The following GSS variants were observed in gnomAD, a reference collection of about 807,000 sequenced individuals.
GSS encodes glutathione synthetase, also known as GSH synthetase.
GSS carries 34 observed loss-of-function variants against 60.4 expected under a neutral mutation model. That is an observed-to-expected ratio of 0.56 (90% CI 0.43 to 0.75). GSS has a LOEUF of 0.75. Ranked by LOEUF, GSS falls within the 30% of genes least tolerant of loss-of-function variation. The pLI, the probability that GSS is intolerant of heterozygous loss-of-function variation, is 0.00. For synonymous variants in GSS, 224 were observed against 239.0 expected (o/e 0.94, Z 0.58); for missense variants, 499 against 595.1 (o/e 0.84, Z 1.68).
chr20:34,946,622 C>T (rs2081525317), intron 2 of GSS: 2 of 152,822 alleles, frequency 1.3e-5, no homozygotes, highest in South Asian at 4.1e-4. Flanking sequence ...CACACACATA[C>T]ATACATGGAA....
At position 34,937,027 on chromosome 20, in the gene GSS, G is replaced by C. The variant is rs1263234131; in HGVS notation, c.609-4C>G. On this transcript the variant is annotated splice_region_variant and splice_polypyrimidine_tract_variant and intron_variant, in intron 6 of 12. Coordinates refer to ENST00000651619, the MANE Select transcript of GSS (RefSeq NM_000178.4). ...AGCAATCAGTAGCACCAGAGCACTG[G>C]GGAAAGAGCACAGGTGGCCCGAGGC... 1.3e-5 allele frequency: 21 copies of C among 1,610,692 alleles called. No individual in the cohort carries two copies. The highest frequency in any genetic ancestry group is 1.8e-5 in the Non-Finnish European group (21 of 1,177,496).
At chr20:34,941,341 T>A (rs1600385392) in intron 6 of GSS, among the ~76,000 whole-genome samples, 1 of 139,938 alleles carries the variant, frequency 7.1e-6, no homozygotes, top group African/African-American at 2.7e-5. Context: ...GGTGAGAGAG[T>A]GAGACTCTGT....
In GSS at chr20:34,939,974, A is replaced by G. The variant is rs550573325; in HGVS notation, c.608+1739T>C. Among the ~76,000 whole-genome samples, 4 of 152,096 alleles carry G rather than the reference A, an allele frequency of 2.6e-5. No homozygotes were observed. The East Asian group carries it at 5.8e-4, about 22-fold the overall frequency. On this transcript the variant is annotated intron_variant, in intron 6 of 12. Coordinates refer to ENST00000651619, the MANE Select transcript of GSS (RefSeq NM_000178.4). ...TGTGAGCCACTGCACCCGGCCTATT[A>G]TTATTATTGAAAGTACCACATAATG...
In GSS at chr20:34,931,438, G is replaced by A. The variant is rs746880480; in HGVS notation, c.1030-21C>T. The A allele has an allele frequency of 4.4e-6, 7 of 1,602,352 alleles. No homozygotes were observed. The African/African-American group carries it at 9.4e-5, about 21-fold the overall frequency. On this transcript the variant is annotated intron_variant, in intron 10 of 12. Transcript: ENST00000651619. ...TCACCCTGGCAGGAGGCAGAAAGCA[G>A]TTATCAAAAGTTTAAAGGCTAAAGA...
chr20:34,954,496 G>A (rs2081600210), intron 1 of GSS: 1 of 153,142 alleles, frequency 6.5e-6, no homozygotes, highest in South Asian at 2.1e-4. Flanking sequence ...GGAGGTTGTA[G>A]TGAGCCGAGA....
At position 34,937,017 on chromosome 20, in the gene GSS, C is replaced by G. The variant is rs779352530; in HGVS notation, c.615G>C (p.Leu205=). Residue 205 remains leucine (L), a synonymous_variant, in exon 7 of 13, where the codon CTG becomes CTC. Coordinates refer to ENST00000651619, the MANE Select transcript of GSS (RefSeq NM_000178.4). ...CCTTCTCTTGAGCAATCAGTAGCAC[C>G]AGAGCACTGGGGAAAGAGCACAGGT... ...AWELYGSPNA[L]VLLIAQEKER... The G allele has an allele frequency of 1.9e-6, 3 of 1,612,934 alleles. No individual in the cohort carries two copies. The highest frequency in any genetic ancestry group is 2.5e-6 in the Non-Finnish European group (3 of 1,179,256).
In GSS at chr20:34,932,343, TC is replaced by T. The variant is rs34275953; in HGVS notation, c.835-211del. On this transcript the variant is annotated intron_variant, in intron 9 of 12. Transcript: ENST00000651619. ...CTGTGAGCCCCTGCAAAGGCAAGAA[TC>T]CCCCAATCTGTGGGAAACAATAGAA... 3.9e-3 allele frequency among the ~76,000 whole-genome samples: 598 copies of T among 152,194 alleles called. 2 individuals are homozygous for T. The highest frequency in any genetic ancestry group is 0.014 in the African/African-American group (567 of 41,526).
chr20:34,931,477 G>T, intron 10 of GSS, 60 bp from the exon 11 acceptor site: 2 of 1,324,868 alleles, frequency 1.5e-6, no homozygotes, highest in Non-Finnish European at 1.1e-6. Context: ...AAGAAGCTTA[G>T]GTCCAGCTGG....
chr20:34,932,121 G>C lies in GSS; in HGVS notation c.847C>G (p.Arg283Gly). 6.2e-7 allele frequency: 1 copy of C among 1,613,548 alleles called. No homozygotes were observed. The highest frequency in any genetic ancestry group is 8.5e-7 in the Non-Finnish European group (1 of 1,179,414). Residue 283 changes from arginine to glycine, a missense_variant, in exon 10 of 13, where the codon CGT becomes GGT. Physicochemically the swap from Arg to Gly is moderately radical, Grantham distance 125. Coordinates refer to ENST00000651619, the MANE Select transcript of GSS (RefSeq NM_000178.4). ...RQYSLQNWEA[R>G]LLLERSHAAK... ...GCATGTGACCTCTCCAGCAGTAGAC[G>C]TGCTTCCCAATTCTGCAGAGGGAAG...
intron 6 of GSS, among the ~76,000 whole-genome samples, chr20:34,939,207 T>C (rs1168585804): frequency 2.0e-5 from 3 of 152,084 alleles, no homozygotes; most frequent in Admixed American, 1.3e-4. Context: ...GCCATTGCAC[T>C]CCAGCCTGGG....
At position 34,928,864 on chromosome 20, in the gene GSS, C is replaced by T. The variant is rs765311167; in HGVS notation, c.1389G>A (p.Ala463=). The T allele has an allele frequency of 5.7e-5, 92 of 1,613,914 alleles. No individual in the cohort carries two copies. The highest frequency in any genetic ancestry group is 7.7e-5 in the South Asian group (7 of 91,076). Residue 463 remains alanine (A), a synonymous_variant, in exon 13 of 13, where the codon GCG becomes GCA. Transcript: ENST00000651619. ...ATGGGTTGTCCAGGACTGCCACTCCCGCTGCCACACCACCATCTGCATGCT... is the reference window on the plus strand; with the variant it reads ...ATGGGTTGTCCAGGACTGCCACTCCTGCTGCCACACCACCATCTGCATGCT... ...AIEHADGGVA[A]GVAVLDNPYP...
chr20:34,952,921 G>C (rs950853578), intron 1 of GSS: 1 of 152,180 alleles, frequency 6.6e-6, no homozygotes, highest in African/African-American at 2.4e-5. Flanking sequence ...AAACCAGAAG[G>C]AATCTTAGTA....
intron 9 of GSS, among the ~76,000 whole-genome samples, chr20:34,932,933 C>T (rs1481321430): frequency 6.6e-6 from 1 of 152,052 alleles, no homozygotes; most frequent in Non-Finnish European, 1.5e-5. Flanking sequence ...GCAACTTCTA[C>T]CTCCTGGGCT....
intron 1 of GSS, chr20:34,952,847 A>T (rs1017584603): frequency 6.6e-6 from 1 of 152,210 alleles, no homozygotes; most frequent in African/African-American, 2.4e-5. Context: ...ATTACATGGG[A>T]AGGGGGAGGG....
chr20:34,942,630 G>C lies in GSS; in HGVS notation c.352-3C>G. 1 of 1,614,074 alleles carries C rather than the reference G, an allele frequency of 6.2e-7. No individual in the cohort carries two copies. Among genetic ancestry groups the C allele is most frequent in the Non-Finnish European group, 8.5e-7 (1 of 1,179,962 alleles). ...CGATTCAGGCCCAGGAACACAGTCT[G>C]TGGGGAAAACTGAAGGCTGACAGTA... On this transcript the variant is annotated splice_region_variant and splice_polypyrimidine_tract_variant and intron_variant, in intron 4 of 12. Coordinates refer to ENST00000651619, the MANE Select transcript of GSS (RefSeq NM_000178.4).
chr20:34,931,057 C>G (rs1194593632), intron 11 of GSS, among the ~76,000 whole-genome samples: 1 of 152,216 alleles, frequency 6.6e-6, no homozygotes, highest in Non-Finnish European at 1.5e-5. Flanking sequence ...TGTATTCTCT[C>G]CAGTCTCCTA....
At chr20:34,949,605 T>A (rs1371176337) in intron 2 of GSS, 3 of 152,148 alleles carry the variant, frequency 2.0e-5, no homozygotes, top group Non-Finnish European at 4.4e-5. Context: ...AGCATGGATG[T>A]TCAGAGCATG....
intron 3 of GSS, 53 bp from the exon 4 acceptor site, chr20:34,943,059 A>C (rs2081496912): frequency 4.2e-6 from 5 of 1,195,854 alleles, no homozygotes; most frequent in Non-Finnish European, 6.1e-6. Flanking sequence ...CTAAAATTTC[A>C]AGGAGTCCCA....
chr20:34,938,872 C>A (rs552505007), intron 6 of GSS, among the ~76,000 whole-genome samples: 2 of 152,272 alleles, frequency 1.3e-5, no homozygotes, highest in East Asian at 3.9e-4. Context: ...CTGCCAGTGA[C>A]TTGTAGTGTG....
Sources: allele counts gnomAD v4.1 joint callset (sites outside exome capture counted in the v4.1 genomes callset), GRCh38; gene constraint gnomAD v4.1.1; transcripts MANE v1.5; gene names NCBI Gene and HGNC (gene_info 2026-07-23, HGNC 2026-07-21).